The following ACTN2 variants were observed in gnomAD, a reference collection of about 807,000 sequenced individuals.
ACTN2 encodes the protein alpha-actinin-2.
ACTN2 carries 39 observed loss-of-function variants against 113.8 expected under a neutral mutation model. That is an observed-to-expected ratio of 0.34 (90% CI 0.27 to 0.45). The LOEUF (loss-of-function observed/expected upper bound fraction) is 0.45. ACTN2 is among the 20% of genes least tolerant of loss of function. ACTN2 has a pLI of 1.00. For synonymous variants in ACTN2, 429 were observed against 444.1 expected (o/e 0.97, Z 0.43); for missense variants, 992 against 1,177.9 (o/e 0.84, Z 2.31).
intron 4 of ACTN2, among the ~76,000 whole-genome samples, chr1:236,725,657 A>T (rs1184018148): frequency 1.3e-5 from 2 of 152,260 alleles, no homozygotes; most frequent in East Asian, 1.9e-4. Flanking sequence ...TTTTCATTTA[A>T]AAAGGGGCGA....
At chr1:236,709,249 T>TATATATATATAC (rs1572103885) in intron 1 of ACTN2, among the ~76,000 whole-genome samples, 1 of 89,110 alleles carries the variant, frequency 1.1e-5, no homozygotes, top group East Asian at 2.9e-4. Context: ...TATATATATA[T>TATATATATATAC]ATATATACAC....
chr1:236,719,691 C>T (rs1038770904), intron 3 of ACTN2, among the ~76,000 whole-genome samples: 8 of 151,752 alleles, frequency 5.3e-5, no homozygotes, highest in East Asian at 1.9e-4. Context: ...CCCAGCTACT[C>T]AGGAGGTTGA....
chr1:236,761,309 G>A, intron 20 of ACTN2, 136 bp downstream of exon 20: 4 of 1,041,032 alleles, frequency 3.8e-6, no homozygotes, highest in Non-Finnish European at 4.3e-6. Flanking sequence ...ATTTCAGAAG[G>A]CAGCAGATAG....
chr1:236,709,208 T>G (rs2102879692), intron 1 of ACTN2, among the ~76,000 whole-genome samples: 1 of 112,088 alleles, frequency 8.9e-6, no homozygotes, highest in African/African-American at 3.6e-5. Context: ...AAGCTGATCA[T>G]GACAAATGAC....
intron 1 of ACTN2, among the ~76,000 whole-genome samples, chr1:236,690,553 G>A (rs1666043854): frequency 6.6e-6 from 1 of 152,164 alleles, no homozygotes; most frequent in Non-Finnish European, 1.5e-5. Context: ...TTAACTCACA[G>A]GGTTTTTTGT....
Position 236,757,627 on chromosome 1 carries a change from G to T in ACTN2, c.2296G>T (p.Asp766Tyr). 1 of 1,614,132 alleles carries T rather than the reference G, an allele frequency of 6.2e-7. No homozygotes were observed. The highest frequency in any genetic ancestry group is 1.1e-5 in the South Asian group (1 of 91,060). Residue 766 changes from aspartate (D) to tyrosine (Y), a missense_variant, in exon 18 of 21, where the codon GAC becomes TAC. This residue lies in a region of ACTN2 where 736 missense variants were observed against 815.4 expected (regional missense o/e 0.90). Coordinates refer to ENST00000366578, the MANE Select transcript of ACTN2 (RefSeq NM_001103.4). ...GTTCAGAGCCTCCTTCAACCACTTT[G>T]ACAGGGTACCACTCTCTACTTATTT... ...NEFRASFNHFDRRKNGLMDHE... is the reference protein window; with the variant it reads ...NEFRASFNHFYRRKNGLMDHE...
chr1:236,743,177 C>T (rs1325696442), intron 11 of ACTN2, 134 bp downstream of exon 11: 1 of 1,109,500 alleles, frequency 9.0e-7, no homozygotes, highest in East Asian at 2.5e-5. Context: ...TTTCTCTGCT[C>T]TTGTCTCAGT....
At chr1:236,692,506 A>G (rs1010651875) in intron 1 of ACTN2, among the ~76,000 whole-genome samples, 1 of 152,184 alleles carries the variant, frequency 6.6e-6, no homozygotes, top group Non-Finnish European at 1.5e-5. Flanking sequence ...GAGAGGTGGA[A>G]TTGTAGATAG....
chr1:236,728,683 T>C (rs1050786305), intron 6 of ACTN2, among the ~76,000 whole-genome samples: 2 of 152,090 alleles, frequency 1.3e-5, no homozygotes, highest in Admixed American at 1.3e-4. Flanking sequence ...GCCTTTAAGG[T>C]AAAGGTTTAG....
At chr1:236,692,679 C>T (rs1431730890) in intron 1 of ACTN2, among the ~76,000 whole-genome samples, 1 of 152,062 alleles carries the variant, frequency 6.6e-6, no homozygotes, top group African/African-American at 2.4e-5. Flanking sequence ...TTCTGAGGCA[C>T]AAAAAACACT....
At chr1:236,747,963 A>T in intron 13 of ACTN2, 188 bp downstream of exon 13, 1 of 605,550 alleles carries the variant, frequency 1.7e-6, no homozygotes, top group Admixed American at 2.9e-5. Context: ...GCTGTAATTT[A>T]TCCAGACAGC....
At chr1:236,705,874 C>T (rs1657810254) in intron 1 of ACTN2, among the ~76,000 whole-genome samples, 1 of 152,140 alleles carries the variant, frequency 6.6e-6, no homozygotes, top group Admixed American at 6.5e-5. Flanking sequence ...TAGTGCCTTT[C>T]TTTCTGTATT....
intron 10 of ACTN2, 116 bp from the exon 11 acceptor site, chr1:236,742,769 GAAAAGAAAACA>G (rs1659110502): frequency 8.2e-7 from 1 of 1,221,378 alleles, no homozygotes; most frequent in South Asian, 1.3e-5. Context: ...GGTAAGGAAG[GAAAAGAAAACA>G]AAAGGAAAAC....
At chr1:236,726,799 A>G (rs1015418120) in intron 5 of ACTN2, among the ~76,000 whole-genome samples, 1 of 152,188 alleles carries the variant, frequency 6.6e-6, no homozygotes, top group Non-Finnish European at 1.5e-5. Context: ...AGGGGAAGAG[A>G]ATCCTTCTTT....
At chr1:236,715,628 G>A (rs1422984187) in intron 1 of ACTN2, among the ~76,000 whole-genome samples, 1 of 152,012 alleles carries the variant, frequency 6.6e-6, no homozygotes, top group Admixed American at 6.6e-5. Flanking sequence ...CTTCTGGCTA[G>A]GAGCTACCAC....
rs369064035 is a variant in ACTN2, at chr1:236,731,362, C to T, written c.697+48C>T. 3 of 1,467,066 alleles carry T rather than the reference C, an allele frequency of 2.0e-6. No homozygotes were observed. In the African/African-American group the frequency reaches 4.2e-5, roughly 20 times the overall value. The allele number at this position is 1,467,066 out of a possible 1,614,324, so 90.9% of individuals were successfully genotyped here. A position where few individuals can be genotyped will look rare whatever the true frequency, so the allele number is the denominator to read the frequency against. On this transcript the variant is annotated intron_variant, in intron 7 of 20. Coordinates refer to ENST00000366578, the MANE Select transcript of ACTN2 (RefSeq NM_001103.4). ...TGAGTTACAGGAAATTTGAAGACTA[C>T]AAATGTTATGGCTACACATTGGGAC...
At chr1:236,695,812 G>C (rs1475673918) in intron 1 of ACTN2, among the ~76,000 whole-genome samples, 1 of 152,174 alleles carries the variant, frequency 6.6e-6, no homozygotes, top group African/African-American at 2.4e-5. Context: ...AGACCAAGAA[G>C]TTGGCATAAC....
intron 15 of ACTN2, among the ~76,000 whole-genome samples, chr1:236,753,052 G>A (rs10737811): frequency 0.82 from 124,584 of 152,102 alleles, 51,377 homozygotes; most frequent in South Asian, 0.88. Flanking sequence ...GCATTAAAAT[G>A]TAACTCACAA....
chr1:236,698,022 C>T (rs913686728), intron 1 of ACTN2, among the ~76,000 whole-genome samples: 2 of 150,284 alleles, frequency 1.3e-5, no homozygotes, highest in Admixed American at 6.6e-5. Flanking sequence ...GATCCACCTG[C>T]CGTGGCCTCC....
Sources: gnomAD v4.1 joint callset for allele counts (sites outside exome capture counted in the v4.1 genomes callset) on GRCh38, gnomAD v4.1.1 for gene constraint, gnomAD v4.1.1 regional missense constraint, MANE v1.5 for transcripts, NCBI Gene and HGNC (gene_info 2026-07-23, HGNC 2026-07-21) for gene names.